The following POLDIP2 variants were observed in gnomAD, a reference collection of about 807,000 sequenced individuals.
The protein encoded by POLDIP2 is polymerase delta-interacting protein 2.
Under a neutral mutation model 52.9 loss-of-function variants are expected in POLDIP2, and 32 were observed. The observed-to-expected ratio is 0.61, with a 90% CI of 0.46 to 0.81. The LOEUF (loss-of-function observed/expected upper bound fraction) is 0.81, where lower values mean the gene tolerates loss of function less well. Ranked by LOEUF, POLDIP2 falls within the 40% of genes least tolerant of loss-of-function variation. The pLI is 0.00. For missense variants in POLDIP2, 371 were observed against 477.3 expected, an observed-to-expected ratio of 0.78 and a Z score of 2.07; for synonymous variants, 183 against 183.0, an observed-to-expected ratio of 1.00 and a Z score of 0.00.
Position 28,355,852 on chromosome 17 carries a change from C to T in POLDIP2, c.186G>A (p.Leu62=), listed in dbSNP as rs782334571. 6.2e-7 allele frequency: 1 copy of T among 1,612,832 alleles called. No homozygotes were observed. The highest frequency in any genetic ancestry group is 1.3e-5 in the African/African-American group (1 of 74,790). ...SSRNRPEGKV[L]ETVGVFEVPK... is the part of the protein sequence containing the mutation. ...GCACCTCAAACACACCAACTGTCTC[C>T]AACACTTTGCCCTCTGGTCGGTTTC... Residue 62 remains leucine (L), a synonymous_variant, in exon 2 of 11, where the codon TTG becomes TTA. Transcript: ENST00000540200.
At chr17:28,355,718 G>T in intron 2 of POLDIP2, 77 bp downstream of exon 2, 1 of 968,778 alleles carries the variant, frequency 1.0e-6, no homozygotes, top group Non-Finnish European at 1.6e-6. Flanking sequence ...ATACCATGCA[G>T]GCCTGTGACC....
In POLDIP2 at chr17:28,357,292, A is replaced by C; in HGVS notation, c.157T>G (p.Ser53Ala). 1.3e-6 allele frequency: 2 copies of C among 1,572,910 alleles called. No homozygotes were observed. Among genetic ancestry groups the C allele is most frequent in the Non-Finnish European group, 1.7e-6 (2 of 1,169,396 alleles). ...STTTTRRHLS[S>A]RNRPEGKVLE... The stretch of plus-strand genomic sequence containing the variant: ...CCCCCTGGCTCCGTCCCTCACCGGG[A>C]CGAGAGGTGCCTCCGCGTCGTCGTG... Residue 53 changes from serine (S) to alanine (A), a missense_variant, in exon 1 of 11, where the codon TCC becomes GCC. Ser to Ala is a moderately conservative substitution (Grantham distance 99). Coordinates refer to ENST00000540200, the MANE Select transcript of POLDIP2 (RefSeq NM_015584.5).
At chr17:28,355,451 T>C (rs560739453) in intron 2 of POLDIP2, among the ~76,000 whole-genome samples, 44 of 152,134 alleles carry the variant, frequency 2.9e-4, no homozygotes, top group African/African-American at 1.1e-3. Context: ...CCACTAAAAG[T>C]ACAAAATTAG....
At position 28,352,237 on chromosome 17, in the gene POLDIP2, C is replaced by CTTTTTTTTTTTTTTT. The variant is rs782311219; in HGVS notation, c.623-452_623-438dup. On this transcript the variant is annotated intron_variant, in intron 6 of 10. Coordinates refer to ENST00000540200, the MANE Select transcript of POLDIP2 (RefSeq NM_015584.5). The stretch of plus-strand genomic sequence containing the variant: ...TGGAAATAGAGCGTTGGAATTATTT[C>CTTTTTTTTTTTTTTT]TTTTTTTTTTTTTTTTTTGGAGACG... 1.1e-3 allele frequency among the ~76,000 whole-genome samples: 95 copies of CTTTTTTTTTTTTTTT among 87,642 alleles called. 15 individuals are homozygous for CTTTTTTTTTTTTTTT. Among genetic ancestry groups the CTTTTTTTTTTTTTTT allele is most frequent in the East Asian group, 4.1e-3 (8 of 1,958 alleles). 57.5% of individuals were successfully genotyped at this position (87,642 alleles called of 152,430 possible).
chr17:28,354,430 C>A, intron 3 of POLDIP2, 58 bp downstream of exon 3: 1 of 1,213,524 alleles, frequency 8.2e-7, no homozygotes, highest in Non-Finnish European at 1.2e-6. Flanking sequence ...ACCCCAATTA[C>A]ATATGTCTGC....
rs1269068639 is a variant in POLDIP2 at position 28,347,139 on chromosome 17, T to A, written c.*978A>T. 6.6e-6 allele frequency: 1 copy of A among 152,118 alleles called. No individual in the cohort carries two copies. The highest frequency in any genetic ancestry group is 1.5e-5 in the Non-Finnish European group (1 of 68,032). The allele number at this position is 152,118 out of a possible 1,614,324, so 9.4% of individuals were successfully genotyped here. On this transcript the variant is annotated 3_prime_UTR_variant, in exon 11 of 11. Coordinates refer to ENST00000540200, the MANE Select transcript of POLDIP2 (RefSeq NM_015584.5). Reference sequence around the variant, plus strand: ...CGTAAGCGCGACTGTACTGTTGCCCTGCAACCCCAGCTCCCCCTGGAGGAC... The same window carrying A: ...CGTAAGCGCGACTGTACTGTTGCCCAGCAACCCCAGCTCCCCCTGGAGGAC...
chr17:28,357,518 G>C lies in POLDIP2; in HGVS notation c.-70C>G, dbSNP rs1419251952. ...CGCGGCCGGGCGGCGTTCCGCCCCA[G>C]TCCCACACTGCCCCGCGCGGCGTCC... On this transcript the variant is annotated 5_prime_UTR_variant, in exon 1 of 11. Transcript: ENST00000540200. 6.8e-7 allele frequency: 1 copy of C among 1,466,486 alleles called. No homozygotes were observed. The highest frequency in any genetic ancestry group is 1.4e-5 in the African/African-American group (1 of 70,962). The allele number at this position is 1,466,486 out of a possible 1,614,324, so 90.8% of individuals were successfully genotyped here. A position where few individuals can be genotyped will look rare whatever the true frequency, so the allele number is the denominator to read the frequency against.
In POLDIP2 at chr17:28,352,449, G is replaced by A. The variant is rs376061236; in HGVS notation, c.622+463C>T. Reference sequence around the variant, plus strand: ...AACAGGGTTTCACCACATTGGCCACGATGGTCTTGATCTCTTGACCTAGTG... The same window carrying A: ...AACAGGGTTTCACCACATTGGCCACAATGGTCTTGATCTCTTGACCTAGTG... On this transcript the variant is annotated intron_variant, in intron 6 of 10. Transcript: ENST00000540200. Among the ~76,000 whole-genome samples, 18 of 151,250 alleles carry A rather than the reference G, an allele frequency of 1.2e-4. No individual in the cohort carries two copies. The East Asian group carries it at 1.9e-3, about 16-fold the overall frequency.
rs1022059007 is a variant in POLDIP2 at position 28,351,703 on chromosome 17, G to T, written c.720C>A (p.Asn240Lys). The change falls in exon 7 of 11, where the codon AAC (asparagine) becomes AAA (lysine). Residue 240 changes from asparagine to lysine, a missense_variant. Asn to Lys is a moderately conservative substitution (Grantham distance 94). Coordinates refer to ENST00000540200, the MANE Select transcript of POLDIP2 (RefSeq NM_015584.5). ...LSDVHRETTE[N>K]IRVTVIPFYM... ...AGAAGGGGATGACAGTGACACGTAT[G>T]TTCTCAGTTGTTTCCCGATGAACAT... The T allele has an allele frequency of 5.0e-6, 8 of 1,613,904 alleles. No individual in the cohort carries two copies. Among genetic ancestry groups the T allele is most frequent in the Non-Finnish European group, 6.8e-6 (8 of 1,179,792 alleles).
Position 28,347,145 on chromosome 17 carries a change from C to T in POLDIP2, c.*972G>A, listed in dbSNP as rs1485757134. On this transcript the variant is annotated 3_prime_UTR_variant, in exon 11 of 11. Transcript: ENST00000540200. ...CGCGACTGTACTGTTGCCCTGCAAC[C>T]CCAGCTCCCCCTGGAGGACTAAGGA... The T allele has an allele frequency of 2.6e-5, 4 of 152,134 alleles. No homozygotes were observed. Among genetic ancestry groups the T allele is most frequent in the Non-Finnish European group, 4.4e-5 (3 of 68,034 alleles). The allele number at this position is 152,134 out of a possible 1,614,324, so 9.4% of individuals were successfully genotyped here.
Position 28,357,238 on chromosome 17 carries a change from T to G in POLDIP2, c.161+50A>C, listed in dbSNP as rs369964112. ...GCCTCCGCACTGGCTAGGAACACGCTCTCTGGGCTCCAGGCCCAGTTCCTC... is the reference window on the plus strand; with the variant it reads ...GCCTCCGCACTGGCTAGGAACACGCGCTCTGGGCTCCAGGCCCAGTTCCTC... On this transcript the variant is annotated intron_variant, in intron 1 of 10. Transcript: ENST00000540200. The G allele has an allele frequency of 3.2e-4, 469 of 1,455,812 alleles. 9 individuals carry two copies. The East Asian group carries it at 9.8e-3, about 30-fold the overall frequency. The allele number at this position is 1,455,812 out of a possible 1,614,324, so 90.2% of individuals were successfully genotyped here. A position where few individuals can be genotyped will look rare whatever the true frequency, so the allele number is the denominator to read the frequency against.
chr17:28,354,554 C>T lies in POLDIP2; in HGVS notation c.275G>A (p.Gly92Asp). The change falls in exon 3 of 11, where the codon GGT becomes GAT. Residue 92 changes from glycine to aspartate, a missense_variant. Coordinates refer to ENST00000540200, the MANE Select transcript of POLDIP2 (RefSeq NM_015584.5). ...LFLHSIFGYR[G>D]VVLFPWQARL... ...GGCCTGCCAGGGAAACAGGACGACA[C>T]CTCGGTAGCCAAAAATGCTATGAAG... 1 of 1,561,712 alleles carries T rather than the reference C, an allele frequency of 6.4e-7. No homozygotes were observed. The highest frequency in any genetic ancestry group is 8.7e-7 in the Non-Finnish European group (1 of 1,152,774).
rs781805937 is a variant in POLDIP2 at position 28,353,803 on chromosome 17, GAGA to G, written c.342-15_342-13del. The G allele has an allele frequency of 4.4e-6, 7 of 1,583,552 alleles. No homozygotes were observed. The highest frequency in any genetic ancestry group is 1.3e-5 in the African/African-American group (1 of 74,248). ...CAGGGTTCTCTGCTCTATGGGGTGG[GAGA>G]AGGAGGCCAAGATCACCCCAGGAGA... On this transcript the variant is annotated splice_polypyrimidine_tract_variant and intron_variant, in intron 3 of 10. Coordinates refer to ENST00000540200, the MANE Select transcript of POLDIP2 (RefSeq NM_015584.5).
In POLDIP2 at chr17:28,354,598, A is replaced by T. The variant is rs1033054851; in HGVS notation, c.244-13T>A. ...TATGAAGGAAAAGCTGGAAGGAAAG[A>T]GGGGCCTCAGTGAGTCTGCAGTCCA... On this transcript the variant is annotated splice_polypyrimidine_tract_variant and intron_variant, in intron 2 of 10. Coordinates refer to ENST00000540200, the MANE Select transcript of POLDIP2 (RefSeq NM_015584.5). 7.2e-6 allele frequency: 11 copies of T among 1,535,048 alleles called. No individual in the cohort carries two copies. In the East Asian group the frequency reaches 2.7e-4, roughly 37 times the overall value.
intron 7 of POLDIP2, 76 bp from the exon 8 acceptor site, chr17:28,350,868 A>G: frequency 8.4e-7 from 1 of 1,195,222 alleles, no homozygotes; most frequent in African/African-American, 1.5e-5. Context: ...TCTCCAGTGC[A>G]GTTGATGTAT....
intron 7 of POLDIP2, 36 bp downstream of exon 7, chr17:28,351,628 T>C (rs1907797431): frequency 6.2e-7 from 1 of 1,602,692 alleles, no homozygotes; most frequent in Non-Finnish European, 8.5e-7. Flanking sequence ...CCTTGGGGCC[T>C]ACCCCTGCTA....
rs71135829 is a variant in POLDIP2 at position 28,353,520 on chromosome 17, C to CAAAAAAAAAAAAAAAAAAAAAAAAAAAAA, written c.438+174_438+175insTTTTTTTTTTTTTTTTTTTTTTTTTTTTT. Among the ~76,000 whole-genome samples the CAAAAAAAAAAAAAAAAAAAAAAAAAAAAA allele has an allele frequency of 3.2e-3, 174 of 54,674 alleles. 31 individuals carry two copies. The highest frequency in any genetic ancestry group is 0.019 in the East Asian group (9 of 474). The allele number at this position is 54,674 out of a possible 152,430, so 35.9% of individuals were successfully genotyped here. On this transcript the variant is annotated intron_variant, in intron 4 of 10. Coordinates refer to ENST00000540200, the MANE Select transcript of POLDIP2 (RefSeq NM_015584.5). Reference sequence around the variant, plus strand: ...CTGGCGACAGAGTGAGACTCCATATCAAAAAAAAAAAAAAAGACGTGAATC... The same window carrying CAAAAAAAAAAAAAAAAAAAAAAAAAAAAA: ...CTGGCGACAGAGTGAGACTCCATATCAAAAAAAAAAAAAAAAAAAAAAAAAAAAAAAAAAAAAAAAAAAAGACGTGAATC...
intron 1 of POLDIP2, among the ~76,000 whole-genome samples, chr17:28,356,295 T>C (rs538210717): frequency 6.6e-6 from 1 of 152,204 alleles, no homozygotes; most frequent in South Asian, 2.1e-4. Flanking sequence ...CATCAAACAA[T>C]ATCCTGCTCC....
intron 1 of POLDIP2, among the ~76,000 whole-genome samples, chr17:28,356,081 C>T (rs1555580880): frequency 6.6e-6 from 1 of 151,238 alleles, no homozygotes; most frequent in Non-Finnish European, 1.5e-5. Context: ...TGTGACCGCT[C>T]CCATACTACT....
Sources: allele counts gnomAD v4.1 joint callset (sites outside exome capture counted in the v4.1 genomes callset), GRCh38; gene constraint gnomAD v4.1.1; transcripts MANE v1.5; gene names NCBI Gene and HGNC (gene_info 2026-07-23, HGNC 2026-07-21).